Variants in RAB3C observed in about 807,000 individuals in gnomAD.
The protein encoded by RAB3C is RAB3C, member RAS oncogene family.
A neutral mutation model predicts 26.4 loss-of-function variants in RAB3C; 17 were observed. That is an observed-to-expected ratio of 0.64 (90% confidence interval 0.44 to 0.97). RAB3C has a LOEUF of 0.97. Among genes scored for constraint, RAB3C ranks in the 50% least tolerant of loss-of-function variants. The probability of loss-of-function intolerance (pLI) is 0.00; values close to 1 mark genes in which losing one functional copy is unlikely to be tolerated. For missense variants in RAB3C, 242 were observed against 281.9 expected (o/e 0.86, Z 1.01); for synonymous variants, 91 against 95.9 (o/e 0.95, Z 0.30).
chr5:58,735,415 G>A (rs1741111435), intron 3 of RAB3C, among the ~76,000 whole-genome samples: 1 of 152,186 alleles, frequency 6.6e-6, no homozygotes, highest in Non-Finnish European at 1.5e-5. Context: ...GAATATGTGA[G>A]TAACGAGGAC....
At chr5:58,587,169 T>A (rs1038435814) in intron 1 of RAB3C, among the ~76,000 whole-genome samples, 6 of 152,192 alleles carry the variant, frequency 3.9e-5, no homozygotes, top group Non-Finnish European at 8.8e-5. Context: ...ACTTTTGTAG[T>A]ATAAGAATGC....
At chr5:58,814,437 G>A (rs996484003) in intron 3 of RAB3C, among the ~76,000 whole-genome samples, 3 of 152,138 alleles carry the variant, frequency 2.0e-5, no homozygotes, top group African/African-American at 4.8e-5. Flanking sequence ...CTAAGTGAGG[G>A]CAAGTAAGTA....
chr5:58,634,329 C>A (rs1054139943), intron 2 of RAB3C, among the ~76,000 whole-genome samples: 3 of 152,116 alleles, frequency 2.0e-5, no homozygotes, highest in African/African-American at 7.2e-5. Context: ...ACTCTGCCTT[C>A]CAGAAGCAAG....
intron 2 of RAB3C, among the ~76,000 whole-genome samples, chr5:58,668,482 A>G (rs1748044919): frequency 6.6e-6 from 1 of 152,136 alleles, no homozygotes; most frequent in South Asian, 2.1e-4. Context: ...TGTTCCACAA[A>G]ATCATTATTA....
At chr5:58,726,209 T>A (rs1032814541) in intron 3 of RAB3C, 89 bp downstream of exon 3, 2 of 640,056 alleles carry the variant, frequency 3.1e-6, no homozygotes, top group Non-Finnish European at 2.7e-6. Context: ...CATACCGCAA[T>A]GTAATATATG....
At chr5:58,729,141 C>G (rs1740948709) in intron 3 of RAB3C, among the ~76,000 whole-genome samples, 1 of 151,980 alleles carries the variant, frequency 6.6e-6, no homozygotes, top group African/African-American at 2.4e-5. Context: ...CACGTAAGAC[C>G]TAGCGGACTC....
At chr5:58,793,390 C>G (rs185024724) in intron 3 of RAB3C, among the ~76,000 whole-genome samples, 16 of 152,228 alleles carry the variant, frequency 1.1e-4, no homozygotes, top group Non-Finnish European at 2.1e-4. Flanking sequence ...AACCCTGTCT[C>G]TACTAAAAAT....
chr5:58,806,209 C>G (rs929376721), intron 3 of RAB3C, among the ~76,000 whole-genome samples: 1 of 152,092 alleles, frequency 6.6e-6, no homozygotes, highest in Non-Finnish European at 1.5e-5. Flanking sequence ...ACTTTTTGTT[C>G]CTTATTTTAC....
In RAB3C at chr5:58,818,845, G is replaced by A. The variant is rs559768609; in HGVS notation, c.372-6193G>A. On this transcript the variant is annotated intron_variant, in intron 3 of 4. Transcript: ENST00000282878. ...GAAATTTCACAAAATACATCCAATG[G>A]TGAAAAGGTAAATACATATAAATAC... Among the ~76,000 whole-genome samples the A allele has an allele frequency of 9.5e-4, 145 of 152,264 alleles. 1 individual carries two copies. Among genetic ancestry groups the A allele is most frequent in the Admixed American group, 8.5e-3 (130 of 15,298 alleles).
intron 3 of RAB3C, among the ~76,000 whole-genome samples, chr5:58,780,634 G>A (rs1407812846): frequency 6.6e-6 from 1 of 152,050 alleles, no homozygotes; most frequent in Non-Finnish European, 1.5e-5. Context: ...TATGAACTGA[G>A]TGCTTACAAT....
At chr5:58,734,023 G>GT (rs1047415068) in intron 3 of RAB3C, among the ~76,000 whole-genome samples, 4 of 152,084 alleles carry the variant, frequency 2.6e-5, no homozygotes, top group African/African-American at 9.7e-5. Context: ...AAATATAGAG[G>GT]TTTTTTAAGA....
In RAB3C at chr5:58,604,916, C is replaced by T. The variant is rs571461063; in HGVS notation, c.25-12727C>T. Among the ~76,000 whole-genome samples, 25 of 152,274 alleles carry T rather than the reference C, an allele frequency of 1.6e-4. No homozygotes were observed. The South Asian group carries it at 2.7e-3, about 16-fold the overall frequency. On this transcript the variant is annotated intron_variant, in intron 1 of 4. Coordinates refer to ENST00000282878, the MANE Select transcript of RAB3C (RefSeq NM_138453.4). ...TTTTAACCGCTGCTCCTCTGGCCAC[C>T]GTCCAGATGGATCCCTGTGGTGCCA...
intron 4 of RAB3C, among the ~76,000 whole-genome samples, chr5:58,840,279 T>A (rs979268707): frequency 1.3e-5 from 2 of 152,132 alleles, no homozygotes; most frequent in African/African-American, 2.4e-5. Context: ...GTAATTTTTT[T>A]ATTTTAGTCA....
chr5:58,651,011 C>T (rs1747636953), intron 2 of RAB3C, among the ~76,000 whole-genome samples: 1 of 152,128 alleles, frequency 6.6e-6, no homozygotes, highest in Non-Finnish European at 1.5e-5. Flanking sequence ...CATTTGGATC[C>T]ATAGGAGCTA....
intron 2 of RAB3C, among the ~76,000 whole-genome samples, chr5:58,623,959 A>C (rs975002381): frequency 6.6e-6 from 1 of 152,034 alleles, no homozygotes; most frequent in Non-Finnish European, 1.5e-5. Context: ...AATAACACCT[A>C]CCCCTGAGCT....
At chr5:58,715,164 A>G (rs185305954) in intron 2 of RAB3C, among the ~76,000 whole-genome samples, 3 of 152,004 alleles carry the variant, frequency 2.0e-5, no homozygotes, top group Admixed American at 6.6e-5. Flanking sequence ...GATCTATTAA[A>G]TTATACTTTT....
chr5:58,853,732 A>G lies in RAB3C; in HGVS notation c.*2381A>G, dbSNP rs1744167094. ...GCCAAGAAACATCTGATACTTTCTA[A>G]TTTCTAAACCCCAATGGAAGTGAGG... On this transcript the variant is annotated 3_prime_UTR_variant, in exon 5 of 5. Coordinates refer to ENST00000282878, the MANE Select transcript of RAB3C (RefSeq NM_138453.4). The G allele has an allele frequency of 6.6e-6, 1 of 152,188 alleles. No individual in the cohort carries two copies. The highest frequency in any genetic ancestry group is 2.1e-4 in the South Asian group (1 of 4,832). The allele number at this position is 152,188 out of a possible 1,614,324, so 9.4% of individuals were successfully genotyped here. A position where few individuals can be genotyped will look rare whatever the true frequency, so the allele number is the denominator to read the frequency against.
intron 3 of RAB3C, among the ~76,000 whole-genome samples, chr5:58,745,961 A>AT (rs1275166937): frequency 2.6e-5 from 4 of 152,222 alleles, no homozygotes; most frequent in Non-Finnish European, 5.9e-5. Context: ...GCCCAATCTT[A>AT]TCCTACATAA....
chr5:58,791,211 C>G (rs1262842510), intron 3 of RAB3C, among the ~76,000 whole-genome samples: 4 of 152,164 alleles, frequency 2.6e-5, no homozygotes, highest in Non-Finnish European at 5.9e-5. Flanking sequence ...CACAAAAAGC[C>G]TTGTGATTGA....
Sources: allele counts gnomAD v4.1 joint callset (sites outside exome capture counted in the v4.1 genomes callset), GRCh38; gene constraint gnomAD v4.1.1; transcripts MANE v1.5; gene names NCBI Gene and HGNC (gene_info 2026-07-23, HGNC 2026-07-21).